MOB1B: variants seen among roughly 807,000 people sequenced by gnomAD.
The protein encoded by MOB1B is MOB kinase activator 1B, also known as MOB1 Mps One Binder homolog B.
A neutral mutation model predicts 24.4 loss-of-function variants in MOB1B; 19 were observed. The ratio of observed to expected loss-of-function variants is 0.78; its 90% confidence interval spans 0.54 to 1.14. The LOEUF is 1.14. Ranked by LOEUF, MOB1B falls within the 50% of genes most tolerant of loss-of-function variation. MOB1B has a pLI of 0.00. For missense variants in MOB1B, 243 were observed against 259.6 expected (o/e 0.94, Z 0.44); for synonymous variants, 76 against 82.1 (o/e 0.93, Z 0.40).
chr4:70,969,104 GT>G (rs1418712283), intron 2 of MOB1B, among the ~76,000 whole-genome samples: 1 of 152,088 alleles, frequency 6.6e-6, no homozygotes, highest in Non-Finnish European at 1.5e-5. Context: ...AAATCATACT[GT>G]TTTATTCGTT....
chr4:70,903,848 C>G (rs1270107497), intron 1 of MOB1B, among the ~76,000 whole-genome samples: 3 of 151,796 alleles, frequency 2.0e-5, no homozygotes, highest in African/African-American at 7.3e-5. Context: ...TTGCCTAAAA[C>G]CTTTAAACGG....
intron 1 of MOB1B, among the ~76,000 whole-genome samples, chr4:70,924,039 G>T (rs1295801559): frequency 6.7e-6 from 1 of 150,164 alleles, no homozygotes; most frequent in Non-Finnish European, 1.5e-5. Context: ...GAGTAATTTA[G>T]TAGAAACAAT....
At chr4:70,956,860 A>C (rs191858689) in intron 1 of MOB1B, among the ~76,000 whole-genome samples, 83 of 152,324 alleles carry the variant, frequency 5.4e-4, no homozygotes, top group African/African-American at 1.9e-3. Context: ...AGTACTTTAG[A>C]ATGAAAAATA....
At chr4:70,927,075 T>C (rs1444098583) in intron 1 of MOB1B, among the ~76,000 whole-genome samples, 2 of 151,944 alleles carry the variant, frequency 1.3e-5, no homozygotes, top group East Asian at 3.9e-4. Context: ...GCGTGTTACA[T>C]AGATGTGCTC....
Position 70,935,847 on chromosome 4 carries a change from A to ATTTTTTTTTTT in MOB1B, c.15-23015_15-23005dup, listed in dbSNP as rs11395356. On this transcript the variant is annotated intron_variant, in intron 1 of 5. Coordinates refer to ENST00000309395, the MANE Select transcript of MOB1B (RefSeq NM_173468.4). ...GTGTACCACCATGCCTGGTACACTA[A>ATTTTTTTTTTT]TTTTTTTTTTTTTTTTTTTTTTGAG... Among the ~76,000 whole-genome samples, 210 of 100,356 alleles carry ATTTTTTTTTTT rather than the reference A, an allele frequency of 2.1e-3. 5 individuals carry two copies. Among genetic ancestry groups the ATTTTTTTTTTT allele is most frequent in the African/African-American group, 7.5e-3 (183 of 24,434 alleles). 65.8% of individuals were successfully genotyped at this position (100,356 alleles called of 152,430 possible). A position where few individuals can be genotyped will look rare whatever the true frequency, so the allele number is the denominator to read the frequency against.
chr4:70,911,514 A>G (rs1171955752), intron 1 of MOB1B, among the ~76,000 whole-genome samples: 2 of 152,060 alleles, frequency 1.3e-5, no homozygotes, highest in East Asian at 3.8e-4. Context: ...AAAGAACTGT[A>G]GTTTTGGGAA....
At chr4:70,942,428 A>G (rs894575739) in intron 1 of MOB1B, among the ~76,000 whole-genome samples, 1 of 152,216 alleles carries the variant, frequency 6.6e-6, no homozygotes, top group African/African-American at 2.4e-5. Context: ...AGGCATTAGC[A>G]TGGATTTCTT....
At chr4:70,906,406 C>T (rs1560624952) in intron 1 of MOB1B, among the ~76,000 whole-genome samples, 1 of 152,008 alleles carries the variant, frequency 6.6e-6, no homozygotes, top group Non-Finnish European at 1.5e-5. Flanking sequence ...GTGCCTGGCA[C>T]TGATGTGGAT....
intron 1 of MOB1B, among the ~76,000 whole-genome samples, chr4:70,945,231 C>T (rs1266706780): frequency 6.6e-6 from 1 of 152,070 alleles, no homozygotes; most frequent in Non-Finnish European, 1.5e-5. Flanking sequence ...AGTTCAGTGC[C>T]CAGAATATCA....
chr4:70,923,343 T>C (rs1337886775), intron 1 of MOB1B, among the ~76,000 whole-genome samples: 3 of 152,058 alleles, frequency 2.0e-5, no homozygotes, highest in African/African-American at 7.2e-5. Context: ...GTCACATGTC[T>C]CTGATGTCTC....
chr4:70,926,479 A>G (rs922092122), intron 1 of MOB1B, among the ~76,000 whole-genome samples: 13 of 152,182 alleles, frequency 8.5e-5, no homozygotes, highest in African/African-American at 2.9e-4. Flanking sequence ...CAGAATGTAT[A>G]TGAAAGCTTT....
intron 1 of MOB1B, among the ~76,000 whole-genome samples, chr4:70,922,198 G>C (rs949965365): frequency 6.6e-6 from 1 of 152,150 alleles, no homozygotes; most frequent in African/African-American, 2.4e-5. Context: ...GGCATTTATA[G>C]ATAAGAACAA....
intron 1 of MOB1B, among the ~76,000 whole-genome samples, chr4:70,933,487 T>C (rs1736959521): frequency 6.6e-6 from 1 of 151,928 alleles, no homozygotes; most frequent in African/African-American, 2.4e-5. Context: ...GTTCTTCATG[T>C]ACGTAGTTTA....
chr4:70,927,336 C>T (rs111496501), intron 1 of MOB1B, among the ~76,000 whole-genome samples: 3,085 of 152,090 alleles, frequency 0.02, 90 homozygotes, highest in African/African-American at 0.069. Flanking sequence ...ATCAGGAGTT[C>T]GAGACCAGCC....
intron 1 of MOB1B, among the ~76,000 whole-genome samples, chr4:70,935,538 G>C (rs574643245): frequency 6.6e-6 from 1 of 152,214 alleles, no homozygotes; most frequent in Admixed American, 6.5e-5. Context: ...CCAGATGGCT[G>C]TTCTAGGACT....
chr4:70,921,323 A>T (rs1223879195), intron 1 of MOB1B, among the ~76,000 whole-genome samples: 2 of 152,152 alleles, frequency 1.3e-5, no homozygotes, highest in African/African-American at 2.4e-5. Flanking sequence ...CAGTGCCAGC[A>T]CTATCTATGC....
At chr4:70,976,753 C>CATATATATATATATATAT (rs376072053) in intron 4 of MOB1B, 147 of 181,156 alleles carry the variant, frequency 8.1e-4, no homozygotes, top group African/African-American at 4.4e-3. Context: ...GACTGAATTA[C>CATATATATATATATATAT]ATATATATAT....
rs1201112624 is a variant in MOB1B at position 70,920,607 on chromosome 4, GAGAA to G, written c.14+18062_14+18065del. Reference sequence around the variant, plus strand: ...ACTTTATATTTAACTAGTTTGCACAGAGAAAGAAGCCAGATATAGACTGGTAAGA... The same window carrying G: ...ACTTTATATTTAACTAGTTTGCACAGAGAAGCCAGATATAGACTGGTAAGA... On this transcript the variant is annotated intron_variant, in intron 1 of 5. Coordinates refer to ENST00000309395, the MANE Select transcript of MOB1B (RefSeq NM_173468.4). Among the ~76,000 whole-genome samples, 4 of 152,212 alleles carry G rather than the reference GAGAA, an allele frequency of 2.6e-5. No homozygotes were observed. In the East Asian group the frequency reaches 7.7e-4, roughly 29 times the overall value.
chr4:70,913,810 G>A lies in MOB1B; in HGVS notation c.14+11260G>A, dbSNP rs368102272. Among the ~76,000 whole-genome samples, 25 of 152,112 alleles carry A rather than the reference G, an allele frequency of 1.6e-4. 1 individual carries two copies. The highest frequency in any genetic ancestry group is 5.8e-4 in the African/African-American group (24 of 41,526). Reference sequence around the variant, plus strand: ...TTTTCACCCACTAGTTTTAGTGTTCGTTGATATTTCTTGTCTAAATTGTTA... The same window carrying A: ...TTTTCACCCACTAGTTTTAGTGTTCATTGATATTTCTTGTCTAAATTGTTA... On this transcript the variant is annotated intron_variant, in intron 1 of 5. Transcript: ENST00000309395.
Sources: allele counts gnomAD v4.1 joint callset (sites outside exome capture counted in the v4.1 genomes callset), GRCh38; gene constraint gnomAD v4.1.1; transcripts MANE v1.5; gene names NCBI Gene and HGNC (gene_info 2026-07-23, HGNC 2026-07-21).